QSOX1: variants seen among roughly 807,000 people sequenced by gnomAD.
QSOX1 encodes quiescin sulfhydryl oxidase 1.
Under a neutral mutation model 76.1 loss-of-function variants are expected in QSOX1, and 40 were observed. That is an observed-to-expected ratio of 0.53 (90% confidence interval 0.41 to 0.68). QSOX1 has a LOEUF of 0.68. Among genes scored for constraint, QSOX1 ranks in the 30% least tolerant of loss-of-function variants. The pLI is 0.00. For synonymous variants in QSOX1, 392 were observed against 413.1 expected, an observed-to-expected ratio of 0.95 and a Z score of 0.62; for missense variants, 931 against 974.3, an observed-to-expected ratio of 0.96 and a Z score of 0.59.
At chr1:180,155,848 AT>A (rs1662365741) in intron 1 of QSOX1, among the ~76,000 whole-genome samples, 1 of 151,962 alleles carries the variant, frequency 6.6e-6, no homozygotes, top group Non-Finnish European at 1.5e-5. Flanking sequence ...AGACCCTTAT[AT>A]TTTAAACCCA....
In QSOX1 at chr1:180,198,588, A is replaced by G; in HGVS notation, c.*1551A>G. ...GTGGGATGCCAAGGCCACTCCTGCT[A>G]TGGGGCAGCTGGGGCTGGGGAGGGA... is the stretch of plus-strand genomic sequence containing the variant. On this transcript the variant is annotated 3_prime_UTR_variant, in exon 12 of 12. Transcript: ENST00000367602. 5.6e-6 allele frequency: 2 copies of G among 358,120 alleles called. No homozygotes were observed. The highest frequency in any genetic ancestry group is 1.1e-5 in the Non-Finnish European group (2 of 177,762). 22.2% of individuals were successfully genotyped at this position (358,120 alleles called of 1,614,324 possible).
chr1:180,199,079 G>A lies in QSOX1; in HGVS notation c.*2042G>A, dbSNP rs1663575515. ...TGTGTAGCCCAGCCTCCAGGTCCAC[G>A]GAGTGGTGTGGACCTCCCACCTCAC... On this transcript the variant is annotated 3_prime_UTR_variant, in exon 12 of 12. Transcript: ENST00000367602. 2 of 152,656 alleles carry A rather than the reference G, an allele frequency of 1.3e-5. No homozygotes were observed. Among genetic ancestry groups the A allele is most frequent in the Admixed American group, 1.3e-4 (2 of 15,314 alleles). The allele number at this position is 152,656 out of a possible 1,614,324, so 9.5% of individuals were successfully genotyped here.
intron 1 of QSOX1, among the ~76,000 whole-genome samples, chr1:180,164,302 G>A (rs1422954758): frequency 6.6e-6 from 1 of 152,200 alleles, no homozygotes; most frequent in Non-Finnish European, 1.5e-5. Flanking sequence ...GTGTGTGGTG[G>A]GGGGGTGTTG....
intron 8 of QSOX1, 93 bp downstream of exon 8, chr1:180,186,275 C>T (rs768964960): frequency 5.3e-6 from 8 of 1,505,102 alleles, no homozygotes; most frequent in Non-Finnish European, 6.3e-6. Flanking sequence ...GCCCCTCCCT[C>T]CAGAAGCCCA....
intron 7 of QSOX1, 25 bp downstream of exon 7, chr1:180,184,075 ACTT>A (rs778316098): frequency 1.5e-5 from 24 of 1,611,970 alleles, no homozygotes; most frequent in Non-Finnish European, 1.9e-5. Flanking sequence ...GGTTCTCCTC[ACTT>A]CTTCTCCTTC....
chr1:180,190,730 G>A (rs1663287952), intron 10 of QSOX1, 150 bp downstream of exon 10: 2 of 1,008,346 alleles, frequency 2.0e-6, no homozygotes, highest in South Asian at 1.7e-5. Context: ...GGCTCTGGCT[G>A]GATTGCTCTA....
At chr1:180,181,352 C>G (rs1663030579) in intron 5 of QSOX1, among the ~76,000 whole-genome samples, 1 of 152,190 alleles carries the variant, frequency 6.6e-6, no homozygotes, top group Admixed American at 6.5e-5. Flanking sequence ...CTCAGAACTT[C>G]TCTTCCCATT....
intron 2 of QSOX1, among the ~76,000 whole-genome samples, chr1:180,169,342 AG>A (rs143597608): frequency 0.03 from 4,558 of 152,316 alleles, 104 homozygotes; most frequent in Middle Eastern, 0.085. Context: ...GGCCGGAGCA[AG>A]GGGTACACAG....
chr1:180,173,656 G>A (rs1005577521), intron 2 of QSOX1, among the ~76,000 whole-genome samples: 15 of 152,166 alleles, frequency 9.9e-5, no homozygotes, highest in Non-Finnish European at 1.8e-4. Context: ...GGAGAGGGTA[G>A]CAGGTGGCTT....
chr1:180,155,772 T>G (rs1014022318), intron 1 of QSOX1, among the ~76,000 whole-genome samples: 1 of 152,210 alleles, frequency 6.6e-6, no homozygotes, highest in Non-Finnish European at 1.5e-5. Flanking sequence ...GTTCCGGGCC[T>G]CTCCTGACCT....
intron 2 of QSOX1, among the ~76,000 whole-genome samples, chr1:180,167,852 G>A (rs35736504): frequency 0.14 from 20,593 of 152,290 alleles, 1,528 homozygotes; most frequent in Middle Eastern, 0.21. Flanking sequence ...TGGCCCTAAG[G>A]TGTGTAATTG....
Position 180,190,430 on chromosome 1 carries a change from C to G in QSOX1, c.1141-3C>G. ...TGTGCACTCACACTCATGTGTCCCT[C>G]AGGGTGCCGTTCTTGCCAAGAAGGT... On this transcript the variant is annotated splice_region_variant and splice_polypyrimidine_tract_variant and intron_variant, in intron 9 of 11. Coordinates refer to ENST00000367602, the MANE Select transcript of QSOX1 (RefSeq NM_002826.5). 1 of 1,612,610 alleles carries G rather than the reference C, an allele frequency of 6.2e-7. No homozygotes were observed.
At chr1:180,190,617 AC>A in intron 10 of QSOX1, 37 bp downstream of exon 10, 1 of 1,583,384 alleles carries the variant, frequency 6.3e-7, no homozygotes, top group Admixed American at 1.7e-5. Context: ...TGTGCCTCCA[AC>A]CCTGCTCTGT....
chr1:180,178,662 G>T lies in QSOX1; in HGVS notation c.516-132G>T, dbSNP rs904802283. 5 of 756,046 alleles carry T rather than the reference G, an allele frequency of 6.6e-6. No individual in the cohort carries two copies. In the African/African-American group the frequency reaches 6.9e-5, roughly 10 times the overall value. The allele number at this position is 756,046 out of a possible 1,614,324, so 46.8% of individuals were successfully genotyped here. ...AAGGTTTGGTTGACTCCCTTGGAGG[G>T]CCCTGTGTGGAAGCGGAGGAGGGCG... On this transcript the variant is annotated intron_variant, in intron 4 of 11. Transcript: ENST00000367602.
At chr1:180,173,897 A>C (rs1201768707) in intron 2 of QSOX1, among the ~76,000 whole-genome samples, 1 of 152,218 alleles carries the variant, frequency 6.6e-6, no homozygotes, top group African/African-American at 2.4e-5. Context: ...CCTCATTTCA[A>C]AGATGAGAAC....
At chr1:180,191,026 T>G (rs1039082974) in intron 10 of QSOX1, among the ~76,000 whole-genome samples, 2 of 152,196 alleles carry the variant, frequency 1.3e-5, no homozygotes, top group African/African-American at 4.8e-5. Flanking sequence ...AAAAACAATT[T>G]CCTGGGGGAA....
intron 5 of QSOX1, among the ~76,000 whole-genome samples, chr1:180,179,623 C>G (rs903073325): frequency 6.6e-6 from 1 of 152,220 alleles, no homozygotes; most frequent in South Asian, 2.1e-4. Context: ...CTCCATAGAC[C>G]AGTTGTGAGC....
In QSOX1 at chr1:180,197,825, C is replaced by T. The variant is rs1307465409; in HGVS notation, c.*788C>T. 3.8e-6 allele frequency: 1 copy of T among 259,870 alleles called. No homozygotes were observed. The highest frequency in any genetic ancestry group is 2.2e-5 in the African/African-American group (1 of 44,680). 16.1% of individuals were successfully genotyped at this position (259,870 alleles called of 1,614,324 possible). A position where few individuals can be genotyped will look rare whatever the true frequency, so the allele number is the denominator to read the frequency against. On this transcript the variant is annotated 3_prime_UTR_variant, in exon 12 of 12. Coordinates refer to ENST00000367602, the MANE Select transcript of QSOX1 (RefSeq NM_002826.5). ...CTCCCTCTGAGCCTGGTCTTTTGTC[C>T]TTTTTTATTTTGGTCTCCAAGATGA...
intron 2 of QSOX1, among the ~76,000 whole-genome samples, chr1:180,166,864 A>G (rs1307095595): frequency 1.3e-5 from 2 of 152,228 alleles, no homozygotes; most frequent in Non-Finnish European, 2.9e-5. Flanking sequence ...GTCAGACTCT[A>G]GAAGCCTAGT....
Sources: gnomAD v4.1 joint callset for allele counts (sites outside exome capture counted in the v4.1 genomes callset) on GRCh38, gnomAD v4.1.1 for gene constraint, MANE v1.5 for transcripts, NCBI Gene and HGNC (gene_info 2026-07-23, HGNC 2026-07-21) for gene names.